MBD5: variants seen among roughly 807,000 people sequenced by gnomAD.
MBD5 encodes the protein methyl-CpG binding domain protein 5.
MBD5 carries 13 observed loss-of-function variants against 117.3 expected under a neutral mutation model. The observed-to-expected ratio is 0.11, with a 90% CI of 0.07 to 0.18. The LOEUF (loss-of-function observed/expected upper bound fraction) is 0.18. Among genes scored for constraint, MBD5 ranks in the 10% least tolerant of loss-of-function variants. The pLI is 1.00. For missense variants in MBD5, 1,879 were observed against 2,093.8 expected, an observed-to-expected ratio of 0.90 and a Z score of 2.00; for synonymous variants, 727 against 766.4, an observed-to-expected ratio of 0.95 and a Z score of 0.85.
intron 1 of MBD5, among the ~76,000 whole-genome samples, chr2:148,153,991 G>A (rs867307367): frequency 0.027 from 3,359 of 122,748 alleles, 120 homozygotes; most frequent in African/African-American, 0.08. Context: ...GAGGAACTGC[G>A]TTCCTTTGGA....
chr2:148,393,370 A>G (rs1305943330), intron 4 of MBD5: 1 of 152,172 alleles, frequency 6.6e-6, no homozygotes, highest in Admixed American at 6.5e-5. Context: ...AAAGTCTGAA[A>G]TTAAGGAAAG....
chr2:148,413,921 A>G (rs991396845), intron 4 of MBD5, among the ~76,000 whole-genome samples: 4 of 150,986 alleles, frequency 2.6e-5, no homozygotes, highest in African/African-American at 9.7e-5. Flanking sequence ...AAAAAAAAAA[A>G]AAGCCACCTT....
chr2:148,325,940 T>G (rs1702438135), intron 3 of MBD5, among the ~76,000 whole-genome samples: 1 of 152,226 alleles, frequency 6.6e-6, no homozygotes. Context: ...GGTGTCAATT[T>G]TGGATCTTTC....
chr2:148,046,125 A>G (rs1223707757), intron 1 of MBD5, among the ~76,000 whole-genome samples: 1 of 151,906 alleles, frequency 6.6e-6, no homozygotes, highest in East Asian at 1.9e-4. Flanking sequence ...CTGGGACTAC[A>G]GGCGTGTGCC....
chr2:148,062,800 G>T (rs1013169804), intron 1 of MBD5, among the ~76,000 whole-genome samples: 1 of 151,184 alleles, frequency 6.6e-6, no homozygotes, highest in African/African-American at 2.4e-5. Flanking sequence ...AACTCTAAAA[G>T]TAAGAAAAAA....
chr2:148,386,312 C>G (rs1015358519), intron 4 of MBD5, among the ~76,000 whole-genome samples: 7 of 152,070 alleles, frequency 4.6e-5, no homozygotes, highest in Admixed American at 2.0e-4. Flanking sequence ...ATAAAATTGA[C>G]AAACCTGTGG....
chr2:148,227,613 A>G (rs1281067142), intron 2 of MBD5, among the ~76,000 whole-genome samples: 3 of 152,174 alleles, frequency 2.0e-5, no homozygotes, highest in Non-Finnish European at 4.4e-5. Context: ...TTTTGGTTCC[A>G]TATGAACTTT....
Position 148,513,168 on chromosome 2 carries a change from T to C in MBD5, c.*227T>C, listed in dbSNP as rs978648931. 2.6e-5 allele frequency: 14 copies of C among 541,080 alleles called. No individual in the cohort carries two copies. In the Admixed American group the frequency reaches 3.5e-4, roughly 14 times the overall value. 33.5% of individuals were successfully genotyped at this position (541,080 alleles called of 1,614,324 possible). ...GTCTCTGTGTGATGAGAGTGATCAA[T>C]GGTCAAGAGATTACTGAGAAACTCT... On this transcript the variant is annotated 3_prime_UTR_variant, in exon 14 of 14. Transcript: ENST00000642680.
At chr2:148,418,856 T>G (rs1173474229) in intron 4 of MBD5, among the ~76,000 whole-genome samples, 1 of 152,016 alleles carries the variant, frequency 6.6e-6, no homozygotes, top group Admixed American at 6.6e-5. Context: ...TTATTCTTTA[T>G]AGAATTAGAA....
At chr2:148,204,930 A>G (rs750362940) in intron 2 of MBD5, among the ~76,000 whole-genome samples, 19 of 152,168 alleles carry the variant, frequency 1.2e-4, no homozygotes, top group Non-Finnish European at 2.6e-4. Flanking sequence ...AATTAGAGCT[A>G]AAGAACAAAA....
At chr2:148,314,198 T>G (rs1180345863) in intron 3 of MBD5, among the ~76,000 whole-genome samples, 1 of 151,970 alleles carries the variant, frequency 6.6e-6, no homozygotes, top group Non-Finnish European at 1.5e-5. Context: ...CAGCATTTTA[T>G]AAACATATCA....
intron 1 of MBD5, among the ~76,000 whole-genome samples, chr2:148,115,693 T>C (rs1574030329): frequency 1.3e-5 from 2 of 152,200 alleles, no homozygotes; most frequent in Non-Finnish European, 2.9e-5. Context: ...TATCTTTTGC[T>C]GCATTTACAT....
At chr2:148,139,826 G>A (rs1402339782) in intron 1 of MBD5, among the ~76,000 whole-genome samples, 4 of 152,126 alleles carry the variant, frequency 2.6e-5, no homozygotes, top group Non-Finnish European at 5.9e-5. Context: ...CCCTGGCTTG[G>A]TGGGCCCCAA....
chr2:148,032,634 T>C (rs189103134), intron 1 of MBD5, among the ~76,000 whole-genome samples: 122 of 152,276 alleles, frequency 8.0e-4, no homozygotes, highest in African/African-American at 2.7e-3. Flanking sequence ...CAGAACTTTG[T>C]GTAGGCCAAG....
In MBD5 at chr2:148,239,646, T is replaced by C. The variant is rs1395599549; in HGVS notation, c.-680+6251T>C. 2.0e-5 allele frequency among the ~76,000 whole-genome samples: 3 copies of C among 146,734 alleles called. No individual in the cohort carries two copies. The East Asian group carries it at 6.3e-4, about 31-fold the overall frequency. ...ATTATGGGTAAGAAATTAAGAAAAATTATTGACATTTCAAAATGAACAAGT... is the reference window on the plus strand; with the variant it reads ...ATTATGGGTAAGAAATTAAGAAAAACTATTGACATTTCAAAATGAACAAGT... On this transcript the variant is annotated intron_variant, in intron 3 of 13. Transcript: ENST00000642680.
chr2:148,261,738 G>C (rs1700738452), intron 3 of MBD5, among the ~76,000 whole-genome samples: 2 of 152,148 alleles, frequency 1.3e-5, no homozygotes, highest in Admixed American at 1.3e-4. Context: ...TTCACAACTT[G>C]GCTACCTGTT....
chr2:148,178,641 T>C, intron 1 of MBD5, 59 bp from the exon 2 acceptor site: 1 of 395,702 alleles, frequency 2.5e-6, no homozygotes, highest in Non-Finnish European at 4.5e-6. Flanking sequence ...ATATTTAAAC[T>C]AAATGAAGCA....
chr2:148,032,650 C>T (rs1694072981), intron 1 of MBD5, among the ~76,000 whole-genome samples: 2 of 152,202 alleles, frequency 1.3e-5, no homozygotes, highest in South Asian at 4.1e-4. Flanking sequence ...CCAAGCTTTC[C>T]TTTATCCTTA....
intron 11 of MBD5, among the ~76,000 whole-genome samples, chr2:148,497,139 G>A (rs1489568166): frequency 1.3e-5 from 2 of 151,614 alleles, no homozygotes; most frequent in Admixed American, 6.6e-5. Context: ...TTCTACTTCA[G>A]AGCTATATTT....
Sources: allele counts gnomAD v4.1 joint callset (sites outside exome capture counted in the v4.1 genomes callset), GRCh38; gene constraint gnomAD v4.1.1; transcripts MANE v1.5; gene names NCBI Gene and HGNC (gene_info 2026-07-23, HGNC 2026-07-21).